The following MYO1F variants were observed in gnomAD, a reference collection of about 807,000 sequenced individuals.
MYO1F encodes the protein myosin IF, also known as unconventional myosin-If.
Under a neutral mutation model 146.6 loss-of-function variants are expected in MYO1F, and 60 were observed. The observed-to-expected ratio is 0.41, with a 90% CI of 0.33 to 0.51. The LOEUF is 0.51. Among genes scored for constraint, MYO1F ranks in the 20% least tolerant of loss-of-function variants. The pLI is 0.25. For missense variants in MYO1F, 1,274 were observed against 1,534.3 expected (o/e 0.83, Z 2.83); for synonymous variants, 602 against 602.1 (o/e 1.00, Z 0.00).
chr19:8,573,105 G>A (rs896411713), intron 1 of MYO1F, among the ~76,000 whole-genome samples: 3 of 152,012 alleles, frequency 2.0e-5, no homozygotes, highest in Non-Finnish European at 2.9e-5. Context: ...TCAGGAGATC[G>A]AGACCATCCT....
chr19:8,566,161 C>G (rs913295521), intron 1 of MYO1F, among the ~76,000 whole-genome samples: 1 of 78,338 alleles, frequency 1.3e-5, no homozygotes, highest in African/African-American at 5.4e-5. Flanking sequence ...CAGTCTATGT[C>G]TTTTTTTTTT....
intron 2 of MYO1F, 186 bp downstream of exon 2, chr19:8,555,473 G>A (rs1973810112): frequency 1.5e-6 from 1 of 661,988 alleles, no homozygotes; most frequent in Non-Finnish European, 2.6e-6. Flanking sequence ...CCCCAGGACA[G>A]AGGGAGCAGT....
intron 1 of MYO1F, among the ~76,000 whole-genome samples, chr19:8,567,828 T>C (rs1600055502): frequency 6.6e-6 from 1 of 152,118 alleles, no homozygotes; most frequent in African/African-American, 2.4e-5. Flanking sequence ...TGAGGATGGG[T>C]TGGGGAGAAG....
chr19:8,567,058 ATTTTTTT>A (rs768377216), intron 1 of MYO1F, among the ~76,000 whole-genome samples: 1 of 127,694 alleles, frequency 7.8e-6, no homozygotes, highest in Admixed American at 7.9e-5. Context: ...ACTGGGTCCA[ATTTTTTT>A]TTTTTTTTTT....
At chr19:8,526,719 C>T in intron 23 of MYO1F, 70 bp downstream of exon 23, 5 of 1,537,376 alleles carry the variant, frequency 3.3e-6, no homozygotes, top group Admixed American at 4.0e-5. Flanking sequence ...TCGGCCGGGT[C>T]GGTGGGGCGG....
chr19:8,533,658 T>C (rs1972586440), intron 19 of MYO1F, among the ~76,000 whole-genome samples: 1 of 152,120 alleles, frequency 6.6e-6, no homozygotes, highest in South Asian at 2.1e-4. Context: ...ACGCTTAGCC[T>C]CAGATTCTTC....
In MYO1F at chr19:8,561,629, TTTCTTTCC is replaced by T. The variant is rs1283583060; in HGVS notation, c.4-5841_4-5834del. 4.7e-5 allele frequency among the ~76,000 whole-genome samples: 7 copies of T among 148,272 alleles called. No homozygotes were observed. The East Asian group carries it at 8.0e-4, about 17-fold the overall frequency. On this transcript the variant is annotated intron_variant, in intron 1 of 27. Transcript: ENST00000644032. ...TTTTTCTTTCTCTCTTTCTTTCTTC[TTTCTTTCC>T]TTCTTTCCTTCCATTTTTTCTTTCC...
At position 8,558,473 on chromosome 19, in the gene MYO1F, C is replaced by A. The variant is rs181354596; in HGVS notation, c.4-2677G>T. 1.9e-3 allele frequency among the ~76,000 whole-genome samples: 295 copies of A among 152,208 alleles called. 2 individuals are homozygous for A. The highest frequency in any genetic ancestry group is 3.3e-3 in the Admixed American group (50 of 15,256). On this transcript the variant is annotated intron_variant, in intron 1 of 27. Coordinates refer to ENST00000644032, the MANE Select transcript of MYO1F (RefSeq NM_012335.4). ...GAGACACCTTGCCTGACCCAGACGA[C>A]ACTTTCTTTAGGCCCCATGGAGGAG...
chr19:8,526,446 G>C lies in MYO1F; in HGVS notation c.2770+7C>G, dbSNP rs1040818862. On this transcript the variant is annotated splice_region_variant and intron_variant, in intron 24 of 27. Transcript: ENST00000644032. ...GCCCCCTCTGCCCTAGTTCCGCGCA[G>C]ACTCACTGGAGCTCTTGGGCAGCCC... 1 of 1,553,774 alleles carries C rather than the reference G, an allele frequency of 6.4e-7. No homozygotes were observed. Among genetic ancestry groups the C allele is most frequent in the African/African-American group, 1.4e-5 (1 of 73,672 alleles).
intron 8 of MYO1F, 200 bp downstream of exon 8, chr19:8,551,540 C>A (rs572994174): frequency 4.7e-6 from 3 of 639,868 alleles, no homozygotes; most frequent in African/African-American, 3.9e-5. Flanking sequence ...TAAGTAGAGA[C>A]GGGGTTTAAC....
intron 1 of MYO1F, among the ~76,000 whole-genome samples, chr19:8,563,049 T>A (rs1216300836): frequency 6.6e-6 from 1 of 152,042 alleles, no homozygotes; most frequent in African/African-American, 2.4e-5. Flanking sequence ...TGGAGTGCAG[T>A]GGTTTGATCG....
At chr19:8,552,212 G>A in intron 6 of MYO1F, 48 bp from the exon 7 acceptor site, 1 of 1,609,964 alleles carries the variant, frequency 6.2e-7, no homozygotes, top group Non-Finnish European at 8.5e-7. Context: ...TGGGGTGCAG[G>A]TGGGGGAAGG....
chr19:8,521,608 T>C lies in MYO1F; in HGVS notation c.3221-4A>G. 1 of 1,613,954 alleles carries C rather than the reference T, an allele frequency of 6.2e-7. No homozygotes were observed. Among genetic ancestry groups the C allele is most frequent in the Non-Finnish European group, 8.5e-7 (1 of 1,179,938 alleles). Reference sequence around the variant, plus strand: ...CCCTTCCACCAGCCCGAGGGATCTGTGGGAGAGAGGAAAGCTTGAGGTGCC... The same window carrying C: ...CCCTTCCACCAGCCCGAGGGATCTGCGGGAGAGAGGAAAGCTTGAGGTGCC... On this transcript the variant is annotated splice_region_variant and splice_polypyrimidine_tract_variant and intron_variant, in intron 27 of 27. Coordinates refer to ENST00000644032, the MANE Select transcript of MYO1F (RefSeq NM_012335.4).
chr19:8,564,364 G>T (rs2041962387), intron 1 of MYO1F, among the ~76,000 whole-genome samples: 1 of 152,112 alleles, frequency 6.6e-6, no homozygotes, highest in African/African-American at 2.4e-5. Flanking sequence ...CTGGGCGACA[G>T]GAGTGAAACC....
chr19:8,568,883 T>C (rs2042058145), intron 1 of MYO1F, among the ~76,000 whole-genome samples: 1 of 152,016 alleles, frequency 6.6e-6, no homozygotes. Context: ...ATTACGTCAT[T>C]GCACTCCAGC....
Position 8,530,688 on chromosome 19 carries a change from CAT to C in MYO1F, c.2044-117_2044-116del, listed in dbSNP as rs1312517133. 7.8e-5 allele frequency: 64 copies of C among 815,488 alleles called. No individual in the cohort carries two copies. The highest frequency in any genetic ancestry group is 9.7e-5 in the Non-Finnish European group (47 of 485,426). 50.5% of individuals were successfully genotyped at this position (815,488 alleles called of 1,614,324 possible). On this transcript the variant is annotated intron_variant, in intron 19 of 27. Coordinates refer to ENST00000644032, the MANE Select transcript of MYO1F (RefSeq NM_012335.4). The surrounding 1 kb of genome is among the most constrained non-coding windows in gnomAD (Gnocchi z 5.8). ...ACGCTTTTGCTCACCCATCCCCACACATGTGCTAATTTTTTTAAGAGGCGGGG... is the reference window on the plus strand; with the variant it reads ...ACGCTTTTGCTCACCCATCCCCACACGTGCTAATTTTTTTAAGAGGCGGGG...
At chr19:8,539,709 A>G (rs1972877122) in intron 16 of MYO1F, among the ~76,000 whole-genome samples, 1 of 152,226 alleles carries the variant, frequency 6.6e-6, no homozygotes, top group Admixed American at 6.5e-5. Flanking sequence ...GTATTAGAAT[A>G]ATGGTCTACT....
chr19:8,561,581 T>C (rs1383958273), intron 1 of MYO1F, among the ~76,000 whole-genome samples: 11 of 118,714 alleles, frequency 9.3e-5, no homozygotes, highest in African/African-American at 1.3e-4. Flanking sequence ...CCTTCCTTCC[T>C]TCCCTCCCTC....
intron 24 of MYO1F, among the ~76,000 whole-genome samples, chr19:8,526,057 A>G (rs1972252933): frequency 6.6e-6 from 1 of 152,126 alleles, no homozygotes; most frequent in South Asian, 2.1e-4. Flanking sequence ...GGCCGGGCGC[A>G]GTGGCTCACG....
Sources: gnomAD v4.1 joint callset for allele counts (sites outside exome capture counted in the v4.1 genomes callset) on GRCh38, gnomAD v4.1.1 for gene constraint, Gnocchi (gnomAD v3.1) non-coding constraint, MANE v1.5 for transcripts, NCBI Gene and HGNC (gene_info 2026-07-23, HGNC 2026-07-21) for gene names.